Variants in RNF38 observed in about 807,000 individuals in gnomAD.
RNF38 encodes the protein ring finger protein 38.
A neutral mutation model predicts 67.2 loss-of-function variants in RNF38; 15 were observed. That is an observed-to-expected ratio of 0.22 (90% CI 0.15 to 0.34). The LOEUF (loss-of-function observed/expected upper bound fraction) is 0.34, where lower values mean the gene tolerates loss of function less well. Among genes scored for constraint, RNF38 ranks in the 10% least tolerant of loss-of-function variants. RNF38 has a pLI of 1.00. For missense variants in RNF38, 524 were observed against 639.9 expected (o/e 0.82, Z 1.95); for synonymous variants, 220 against 218.8 (o/e 1.01, Z -0.05).
At chr9:36,354,003 CAAAG>C (rs1181845902) in intron 6 of RNF38, among the ~76,000 whole-genome samples, 1 of 152,102 alleles carries the variant, frequency 6.6e-6, no homozygotes, top group Non-Finnish European at 1.5e-5. Context: ...CACAAGAAAA[CAAAG>C]AACAGTTCAT....
At chr9:36,371,518 C>T (rs1835377039) in intron 3 of RNF38, among the ~76,000 whole-genome samples, 1 of 150,404 alleles carries the variant, frequency 6.6e-6, no homozygotes, top group East Asian at 2.0e-4. Context: ...GATCTCTCGG[C>T]TCACTGCGAC....
At chr9:36,438,335 G>C (rs778577323) in intron 1 of RNF38, among the ~76,000 whole-genome samples, 2 of 152,042 alleles carry the variant, frequency 1.3e-5, no homozygotes, top group African/African-American at 2.4e-5. Flanking sequence ...TGACCCATGG[G>C]CTGCATGCAG....
chr9:36,339,881 G>T, intron 11 of RNF38, 67 bp from the exon 12 acceptor site: 2 of 1,268,596 alleles, frequency 1.6e-6, no homozygotes, highest in South Asian at 1.3e-5. Flanking sequence ...CAAAGCAATG[G>T]AACTACTTTT....
At chr9:36,485,781 T>C (rs189401436) in intron 1 of RNF38, among the ~76,000 whole-genome samples, 3 of 152,190 alleles carry the variant, frequency 2.0e-5, no homozygotes, top group East Asian at 1.9e-4. Flanking sequence ...CCTTAATTAA[T>C]GCATTTGTTA....
Position 36,337,683 on chromosome 9 carries a change from G to GCATA in RNF38, c.*2068_*2069insTATG, listed in dbSNP as rs1832552388. 1 of 152,434 alleles carries GCATA rather than the reference G, an allele frequency of 6.6e-6. No homozygotes were observed. Among genetic ancestry groups the GCATA allele is most frequent in the South Asian group, 2.1e-4 (1 of 4,822 alleles). The allele number at this position is 152,434 out of a possible 1,614,324, so 9.4% of individuals were successfully genotyped here. On this transcript the variant is annotated 3_prime_UTR_variant, in exon 12 of 12. Transcript: ENST00000259605. ...CATTAAAAAAGATTAAACTATATGT[G>GCATA]ATTTGTATGTAGCTGATTATTATGC...
chr9:36,391,042 A>G (rs558195279), intron 1 of RNF38, among the ~76,000 whole-genome samples: 50 of 152,372 alleles, frequency 3.3e-4, no homozygotes, highest in African/African-American at 1.2e-3. Flanking sequence ...TTAACCTTCC[A>G]AATAATCATG....
At chr9:36,388,224 T>C (rs2133989485) in intron 2 of RNF38, among the ~76,000 whole-genome samples, 1 of 152,256 alleles carries the variant, frequency 6.6e-6, no homozygotes, top group African/African-American at 2.4e-5. Context: ...GTGTTGGTAA[T>C]GGCTGGTTTC....
chr9:36,372,761 C>T (rs1248478646), intron 3 of RNF38, among the ~76,000 whole-genome samples: 1 of 152,158 alleles, frequency 6.6e-6, no homozygotes, highest in Non-Finnish European at 1.5e-5. Flanking sequence ...TTACTATTAT[C>T]ATCATCTGTA....
intron 1 of RNF38, among the ~76,000 whole-genome samples, chr9:36,464,384 T>C (rs1038824587): frequency 1.3e-4 from 19 of 151,746 alleles, no homozygotes; most frequent in African/African-American, 4.4e-4. Context: ...CTGGCCAATA[T>C]GGTGAAACTC....
chr9:36,433,308 T>C (rs1838976902), intron 1 of RNF38, among the ~76,000 whole-genome samples: 1 of 151,934 alleles, frequency 6.6e-6, no homozygotes, highest in Non-Finnish European at 1.5e-5. Context: ...GGATAAATGC[T>C]TGAGGTGATG....
intron 1 of RNF38, among the ~76,000 whole-genome samples, chr9:36,479,560 G>A (rs982883819): frequency 6.6e-6 from 1 of 152,130 alleles, no homozygotes; most frequent in African/African-American, 2.4e-5. Flanking sequence ...TGGGAGAAAA[G>A]CAAGCAATAA....
chr9:36,378,518 G>C (rs542149073), intron 2 of RNF38, among the ~76,000 whole-genome samples: 2 of 152,032 alleles, frequency 1.3e-5, no homozygotes, highest in Non-Finnish European at 2.9e-5. Context: ...AACGAATCAT[G>C]ATCATTAGCT....
intron 1 of RNF38, among the ~76,000 whole-genome samples, chr9:36,391,276 G>A (rs1837060431): frequency 6.6e-6 from 1 of 152,132 alleles, no homozygotes; most frequent in South Asian, 2.1e-4. Flanking sequence ...GTATGCCAAG[G>A]TGGGAGGATC....
intron 6 of RNF38, among the ~76,000 whole-genome samples, chr9:36,355,939 T>C (rs1395939865): frequency 6.6e-6 from 1 of 152,134 alleles, no homozygotes; most frequent in East Asian, 1.9e-4. Context: ...CTCTGCCTCC[T>C]GGATTCAAGC....
intron 2 of RNF38, among the ~76,000 whole-genome samples, chr9:36,386,462 T>G (rs1376856864): frequency 6.6e-6 from 1 of 152,264 alleles, no homozygotes; most frequent in East Asian, 1.9e-4. Context: ...TGTGTATAGC[T>G]TTTCAAATTT....
At chr9:36,404,599 G>A (rs1210334966), upstream of RNF38, among the ~76,000 whole-genome samples, 1 of 152,120 alleles carries the variant, frequency 6.6e-6, no homozygotes, top group African/African-American at 2.4e-5. Context: ...TTTCAATAAT[G>A]CTTTATAGTT....
At chr9:36,472,995 A>C (rs1413102899) in intron 1 of RNF38, among the ~76,000 whole-genome samples, 1 of 151,998 alleles carries the variant, frequency 6.6e-6, no homozygotes, top group Non-Finnish European at 1.5e-5. Context: ...AGCCAGGCGT[A>C]GTGGCACATG....
At chr9:36,482,501 C>A (rs1038610074) in intron 1 of RNF38, among the ~76,000 whole-genome samples, 3 of 151,306 alleles carry the variant, frequency 2.0e-5, no homozygotes, top group African/African-American at 7.3e-5. Flanking sequence ...TACAGGCATG[C>A]GCCACCATGC....
rs1838632800 is a variant in RNF38, at chr9:36,421,709, C to T, written n.312+2904G>A. Among the ~76,000 whole-genome samples the T allele has an allele frequency of 2.6e-5, 4 of 151,920 alleles. No homozygotes were observed. The South Asian group carries it at 8.3e-4, about 32-fold the overall frequency. ...AAAATAAAAATAAAAAGCAGGTTGG[C>T]GTAAACGTGCTCTATGATCCCTTTA... On this transcript the variant is annotated intron_variant and non_coding_transcript_variant, in intron 2 of 3. Coordinates refer to the RNF38 transcript ENST00000488058.
Sources: allele counts gnomAD v4.1 joint callset (sites outside exome capture counted in the v4.1 genomes callset), GRCh38; gene constraint gnomAD v4.1.1; transcripts MANE v1.5; gene names NCBI Gene and HGNC (gene_info 2026-07-23, HGNC 2026-07-21).